TAFA2: variants seen among roughly 807,000 people sequenced by gnomAD.
The protein encoded by TAFA2 is TAFA chemokine like family member 2.
TAFA2 carries 7 observed loss-of-function variants against 18.8 expected under a neutral mutation model. That is an observed-to-expected ratio of 0.37 (90% CI 0.21 to 0.70). TAFA2 has a LOEUF of 0.70. Among genes scored for constraint, TAFA2 ranks in the 30% least tolerant of loss-of-function variants. The pLI is 0.53. For missense variants in TAFA2, 122 were observed against 158.1 expected (o/e 0.77, Z 1.23); for synonymous variants, 60 against 54.2 (o/e 1.11, Z -0.47).
intron 1 of TAFA2, among the ~76,000 whole-genome samples, chr12:62,216,425 G>A (rs1343301813): frequency 6.6e-6 from 1 of 152,168 alleles, no homozygotes; most frequent in Admixed American, 6.5e-5. Context: ...TGGTGGCAGA[G>A]ATTAATGACA....
intron 2 of TAFA2, among the ~76,000 whole-genome samples, chr12:61,812,374 C>T (rs926496232): frequency 6.6e-6 from 1 of 151,364 alleles, no homozygotes; most frequent in African/African-American, 2.5e-5. Flanking sequence ...CATTGCTCTG[C>T]TCCCAACATC....
chr12:62,107,673 T>C (rs1869522043), intron 1 of TAFA2, among the ~76,000 whole-genome samples: 1 of 152,298 alleles, frequency 6.6e-6, no homozygotes, highest in East Asian at 1.9e-4. Context: ...TTTTTAACTC[T>C]TCTGTGTTCA....
chr12:62,021,319 C>G (rs11836443), intron 1 of TAFA2, among the ~76,000 whole-genome samples: 52,580 of 151,590 alleles, frequency 0.35, 9,509 homozygotes, highest in Non-Finnish European at 0.39. Flanking sequence ...AGGAACAGAT[C>G]GTGTTTGGTT....
At chr12:62,041,344 C>T (rs1881752229) in intron 1 of TAFA2, among the ~76,000 whole-genome samples, 1 of 152,106 alleles carries the variant, frequency 6.6e-6, no homozygotes, top group African/African-American at 2.4e-5. Context: ...ATATTCTTTG[C>T]ATGGCACTAT....
intron 2 of TAFA2, among the ~76,000 whole-genome samples, chr12:61,838,297 C>A (rs189492939): frequency 1.3e-5 from 2 of 152,088 alleles, no homozygotes; most frequent in Admixed American, 6.6e-5. Context: ...ATCACTCCTG[C>A]CCTTAATACA....
intron 1 of TAFA2, among the ~76,000 whole-genome samples, chr12:61,920,748 G>GA (rs200002307): frequency 1.3e-4 from 20 of 149,550 alleles, no homozygotes; most frequent in East Asian, 5.9e-4. Flanking sequence ...GAGGGTAATG[G>GA]AAAAAAAAAT....
intron 4 of TAFA2, among the ~76,000 whole-genome samples, chr12:61,724,871 T>C (rs1870085938): frequency 6.6e-6 from 1 of 151,530 alleles, no homozygotes; most frequent in Non-Finnish European, 1.5e-5. Flanking sequence ...GTACATCTAC[T>C]TTTAGTTCTT....
chr12:61,720,854 T>C (rs1869861594), intron 4 of TAFA2: 5 of 506,340 alleles, frequency 9.9e-6, no homozygotes, highest in Non-Finnish European at 2.0e-5. Flanking sequence ...AATCAAAAAT[T>C]GTCATCAGGC....
chr12:62,004,427 T>C (rs994872027), intron 1 of TAFA2, among the ~76,000 whole-genome samples: 3 of 152,138 alleles, frequency 2.0e-5, no homozygotes, highest in African/African-American at 7.2e-5. Flanking sequence ...GTTTCTGATA[T>C]TACTAGGCAA....
At chr12:61,962,393 T>G (rs1878917517) in intron 1 of TAFA2, among the ~76,000 whole-genome samples, 1 of 152,066 alleles carries the variant, frequency 6.6e-6, no homozygotes, top group South Asian at 2.1e-4. Context: ...ATAACCAACC[T>G]TATAATTCTG....
intron 1 of TAFA2, among the ~76,000 whole-genome samples, chr12:61,893,523 G>A (rs1280271003): frequency 6.6e-6 from 1 of 152,100 alleles, no homozygotes; most frequent in African/African-American, 2.4e-5. Context: ...AGGAGTGAGA[G>A]GGGAGAATGG....
intron 1 of TAFA2, among the ~76,000 whole-genome samples, chr12:62,005,567 T>C (rs1880518515): frequency 6.6e-6 from 1 of 152,138 alleles, no homozygotes; most frequent in African/African-American, 2.4e-5. Context: ...AATTTTAGCA[T>C]GAAAGTGCTT....
At chr12:61,960,736 G>A (rs1277473367) in intron 1 of TAFA2, among the ~76,000 whole-genome samples, 1 of 147,020 alleles carries the variant, frequency 6.8e-6, no homozygotes, top group East Asian at 2.0e-4. Flanking sequence ...TCATCCTTGT[G>A]TCTGTTTTTT....
At position 62,127,773 on chromosome 12, in the gene TAFA2, CTTTCTTGTCTGGA is replaced by C. The variant is rs1332866999; in HGVS notation, c.-2+63473_-2+63485del. 5.3e-5 allele frequency among the ~76,000 whole-genome samples: 8 copies of C among 151,952 alleles called. No homozygotes were observed. In the East Asian group the frequency reaches 9.7e-4, roughly 18 times the overall value. On this transcript the variant is annotated intron_variant, in intron 1 of 4. Transcript: ENST00000416284. The stretch of plus-strand genomic sequence containing the variant: ...GAGCAAGTTTCTTCTTGTGCCTTGT[CTTTCTTGTCTGGA>C]TTTCTTGTCTGTGAAATAAAGGTAA...
chr12:61,890,302 C>G (rs1311356569), intron 1 of TAFA2: 1 of 152,212 alleles, frequency 6.6e-6, no homozygotes, highest in African/African-American at 2.4e-5. Context: ...GCTCAGTGAG[C>G]AAGTAATTTG....
intron 1 of TAFA2, among the ~76,000 whole-genome samples, chr12:62,199,413 T>C (rs1163286914): frequency 1.3e-5 from 2 of 152,102 alleles, no homozygotes; most frequent in African/African-American, 2.4e-5. Flanking sequence ...CCTGTGTTCA[T>C]GTGTTCACAT....
chr12:61,938,230 TAAAAA>T (rs1157161976), intron 1 of TAFA2, among the ~76,000 whole-genome samples: 1,702 of 98,444 alleles, frequency 0.017, 38 homozygotes, highest in African/African-American at 0.061. Context: ...ATAGATATGG[TAAAAA>T]AAAAAAAAAA....
intron 4 of TAFA2, among the ~76,000 whole-genome samples, chr12:61,735,451 T>C (rs1303384968): frequency 6.6e-6 from 1 of 152,054 alleles, no homozygotes; most frequent in Non-Finnish European, 1.5e-5. Flanking sequence ...GATGTTTCCA[T>C]GCATATATAC....
chr12:61,824,892 T>C (rs997676770), intron 2 of TAFA2, among the ~76,000 whole-genome samples: 2 of 152,166 alleles, frequency 1.3e-5, no homozygotes, highest in African/African-American at 4.8e-5. Flanking sequence ...TTTGTAATAC[T>C]GTATGTCTTA....
Sources: allele counts gnomAD v4.1 joint callset (sites outside exome capture counted in the v4.1 genomes callset), GRCh38; gene constraint gnomAD v4.1.1; transcripts MANE v1.5; gene names NCBI Gene and HGNC (gene_info 2026-07-23, HGNC 2026-07-21).